FOCAD: variants seen among roughly 807,000 people sequenced by gnomAD.
FOCAD encodes KIAA1797.
FOCAD carries 198 observed loss-of-function variants against 225.6 expected under a neutral mutation model. The ratio of observed to expected loss-of-function variants is 0.88; its 90% CI spans 0.78 to 0.99. The LOEUF is 0.99. Ranked by LOEUF, FOCAD falls within the 50% of genes least tolerant of loss-of-function variation. The probability of loss-of-function intolerance (pLI) is 0.00; values close to 1 mark genes in which losing one functional copy is unlikely to be tolerated. For synonymous variants in FOCAD, 897 were observed against 755.0 expected (o/e 1.19, Z -3.08); for missense variants, 2,713 against 2,123.6 (o/e 1.28, Z -5.46).
intron 10 of FOCAD, among the ~76,000 whole-genome samples, chr9:20,788,855 C>A (rs1250818978): frequency 2.0e-5 from 3 of 152,204 alleles, no homozygotes; most frequent in Non-Finnish European, 4.4e-5. Flanking sequence ...AATGAATTCC[C>A]AGGCTCCAGC....
At chr9:20,870,897 A>T (rs1352566972) in intron 18 of FOCAD, among the ~76,000 whole-genome samples, 1 of 152,180 alleles carries the variant, frequency 6.6e-6, no homozygotes, top group Admixed American at 6.5e-5. Context: ...TTCAATTTGA[A>T]GCAAGTTTTA....
chr9:20,943,541 G>A (rs1356463849), intron 28 of FOCAD, among the ~76,000 whole-genome samples: 1 of 152,126 alleles, frequency 6.6e-6, no homozygotes, highest in Non-Finnish European at 1.5e-5. Flanking sequence ...ATCCTTCTGG[G>A]TATCTTCTTT....
intron 26 of FOCAD, among the ~76,000 whole-genome samples, chr9:20,927,269 T>A (rs1421137518): frequency 5.3e-5 from 8 of 152,168 alleles, no homozygotes; most frequent in Non-Finnish European, 1.2e-4. Context: ...CCTCTTTGAG[T>A]CTTTTTGTCC....
At chr9:20,812,554 T>C (rs1467765993) in intron 11 of FOCAD, among the ~76,000 whole-genome samples, 4 of 152,102 alleles carry the variant, frequency 2.6e-5, no homozygotes, top group Non-Finnish European at 2.9e-5. Flanking sequence ...TATGCTTGAT[T>C]TCACTGAGAT....
intron 35 of FOCAD, among the ~76,000 whole-genome samples, chr9:20,967,864 G>A (rs186651885): frequency 2.2e-4 from 33 of 152,108 alleles, no homozygotes; most frequent in Admixed American, 5.9e-4. Flanking sequence ...TATGCTGTTG[G>A]ATTCTGTTTG....
chr9:20,749,027 T>C (rs1828309153), intron 5 of FOCAD, among the ~76,000 whole-genome samples: 2 of 152,146 alleles, frequency 1.3e-5, no homozygotes. Context: ...AGGTGTTTTT[T>C]TTCCCCCAGT....
intron 35 of FOCAD, among the ~76,000 whole-genome samples, chr9:20,958,689 C>T (rs932788963): frequency 5.3e-5 from 8 of 152,058 alleles, no homozygotes; most frequent in Non-Finnish European, 2.9e-5. Context: ...CTCTTTCTTC[C>T]CCCTGCTCTT....
intron 37 of FOCAD, 56 bp downstream of exon 37, chr9:20,978,510 A>G: frequency 8.6e-7 from 1 of 1,165,624 alleles, no homozygotes; most frequent in Non-Finnish European, 1.2e-6. Flanking sequence ...TTAGGAGGAT[A>G]TTAACATTCA....
chr9:20,766,827 C>CTT (rs527809234), intron 7 of FOCAD, among the ~76,000 whole-genome samples: 1 of 146,912 alleles, frequency 6.8e-6, no homozygotes, highest in South Asian at 2.2e-4. Context: ...TTGATGTGGT[C>CTT]TTTTTTTTTT....
intron 10 of FOCAD, among the ~76,000 whole-genome samples, chr9:20,782,471 A>G (rs891766421): frequency 3.3e-5 from 5 of 152,140 alleles, no homozygotes; most frequent in African/African-American, 1.2e-4. Flanking sequence ...GGCCTGCCAC[A>G]TTCCGTTTCC....
intron 11 of FOCAD, among the ~76,000 whole-genome samples, chr9:20,798,584 A>G (rs1326228252): frequency 6.6e-6 from 1 of 152,048 alleles, no homozygotes; most frequent in East Asian, 1.9e-4. Context: ...GGGAGGATGT[A>G]TGTGTCGAGG....
At chr9:20,839,558 G>C (rs1219080328) in intron 15 of FOCAD, among the ~76,000 whole-genome samples, 1 of 152,022 alleles carries the variant, frequency 6.6e-6, no homozygotes, top group South Asian at 2.1e-4. Context: ...ACTGCAACCA[G>C]CCTGAATTTC....
At chr9:20,673,151 G>A (rs545281569) in intron 2 of FOCAD, among the ~76,000 whole-genome samples, 1 of 152,314 alleles carries the variant, frequency 6.6e-6, no homozygotes, top group East Asian at 1.9e-4. Context: ...AAATGGAAGA[G>A]GAGGCCTAGT....
intron 22 of FOCAD, among the ~76,000 whole-genome samples, chr9:20,907,679 T>A (rs1833094980): frequency 6.6e-6 from 1 of 152,108 alleles, no homozygotes; most frequent in South Asian, 2.1e-4. Context: ...TTTCCTAAAC[T>A]CAGCATGTCT....
intron 2 of FOCAD, among the ~76,000 whole-genome samples, chr9:20,670,021 A>G (rs995822688): frequency 5.5e-4 from 83 of 152,186 alleles, no homozygotes; most frequent in Admixed American, 5.2e-3. Context: ...GTCATTTAAA[A>G]TTTTGCAAGC....
At chr9:20,862,434 G>A (rs989767071) in intron 15 of FOCAD, 144 bp from the exon 16 acceptor site, 28 of 797,334 alleles carry the variant, frequency 3.5e-5, no homozygotes, top group Middle Eastern at 3.1e-4. Context: ...CATTTGAGGG[G>A]TGGTACCTTA....
At chr9:20,840,749 G>T (rs1204772793) in intron 15 of FOCAD, among the ~76,000 whole-genome samples, 1 of 151,672 alleles carries the variant, frequency 6.6e-6, no homozygotes, top group Non-Finnish European at 1.5e-5. Context: ...TAGGACTTCA[G>T]TTCTATGTTG....
At chr9:20,915,687 T>G (rs1410217106) in intron 23 of FOCAD, among the ~76,000 whole-genome samples, 1 of 152,092 alleles carries the variant, frequency 6.6e-6, no homozygotes, top group Non-Finnish European at 1.5e-5. Context: ...CAATAGCTGG[T>G]GGGCTTGTTC....
chr9:20,771,536 A>C (rs1253479373), intron 8 of FOCAD, among the ~76,000 whole-genome samples: 1 of 151,670 alleles, frequency 6.6e-6, no homozygotes, highest in East Asian at 2.1e-4. Flanking sequence ...AGGCAGGCAG[A>C]TTATGTGAGG....
Sources: allele counts gnomAD v4.1 joint callset (sites outside exome capture counted in the v4.1 genomes callset), GRCh38; gene constraint gnomAD v4.1.1; transcripts MANE v1.5; gene names NCBI Gene and HGNC (gene_info 2026-07-23, HGNC 2026-07-21).